The following FARP1 variants were observed in gnomAD, a reference collection of about 807,000 sequenced individuals.
The protein encoded by FARP1 is FERM, ARH/RhoGEF and pleckstrin domain protein 1.
Under a neutral mutation model 128.8 loss-of-function variants are expected in FARP1, and 52 were observed. That is an observed-to-expected ratio of 0.40 (90% CI 0.32 to 0.51). The LOEUF is 0.51. FARP1 is among the 20% of genes least tolerant of loss of function. FARP1 has a pLI of 0.45. For missense variants in FARP1, 1,333 were observed against 1,367.9 expected (o/e 0.97, Z 0.40); for synonymous variants, 580 against 551.8 (o/e 1.05, Z -0.72).
chr13:98,288,968 C>CTTT (rs5806054), intron 2 of FARP1, among the ~76,000 whole-genome samples: 2 of 134,864 alleles, frequency 1.5e-5, no homozygotes, highest in African/African-American at 2.7e-5. Flanking sequence ...GTTCCTATGG[C>CTTT]TTTTTTTTTT....
chr13:98,232,145 G>GTTTTTT lies in FARP1; in HGVS notation c.171+18748_171+18753dup, dbSNP rs59209045. ...GTGCCCGGCTTTTTTTGTTTGGTTG[G>GTTTTTT]TTTTTTTTTTTTTTTTTTTTTGCTT... is the stretch of plus-strand genomic sequence containing the variant. On this transcript the variant is annotated intron_variant, in intron 2 of 26. Transcript: ENST00000319562. 2.1e-3 allele frequency among the ~76,000 whole-genome samples: 218 copies of GTTTTTT among 105,728 alleles called. 3 individuals are homozygous for GTTTTTT. Among genetic ancestry groups the GTTTTTT allele is most frequent in the Middle Eastern group, 5.8e-3 (1 of 172 alleles). 69.4% of individuals were successfully genotyped at this position (105,728 alleles called of 152,430 possible). A position where few individuals can be genotyped will look rare whatever the true frequency, so the allele number is the denominator to read the frequency against.
intron 7 of FARP1, 70 bp downstream of exon 7, chr13:98,384,914 C>A: frequency 1.2e-6 from 1 of 861,462 alleles, no homozygotes; most frequent in South Asian, 1.4e-5. Context: ...CATGGGTGTA[C>A]ATCCCTCCAC....
chr13:98,390,901 A>G, intron 11 of FARP1, 21 bp downstream of exon 11: 1 of 1,559,088 alleles, frequency 6.4e-7, no homozygotes. Context: ...CTTCAATGCT[A>G]CTTCCAGTCT....
intron 16 of FARP1, among the ~76,000 whole-genome samples, chr13:98,412,339 T>C (rs1891224587): frequency 6.6e-6 from 1 of 152,026 alleles, no homozygotes; most frequent in Admixed American, 6.6e-5. Flanking sequence ...TTATAAAGAG[T>C]AGGGGCTTAG....
intron 13 of FARP1, chr13:98,402,212 T>G (rs561255038): frequency 1.3e-5 from 2 of 152,448 alleles, no homozygotes; most frequent in South Asian, 2.1e-4. Context: ...AATTGCAGAA[T>G]GTTGAGGAGT....
At chr13:98,233,383 G>A (rs1242468281) in intron 2 of FARP1, among the ~76,000 whole-genome samples, 2 of 151,944 alleles carry the variant, frequency 1.3e-5, no homozygotes, top group Non-Finnish European at 2.9e-5. Context: ...GAAGCCACAG[G>A]CTCCCCCACG....
chr13:98,303,865 A>G (rs1484078766), intron 2 of FARP1, among the ~76,000 whole-genome samples: 1 of 152,156 alleles, frequency 6.6e-6, no homozygotes, highest in Non-Finnish European at 1.5e-5. Context: ...AAATTCAAAG[A>G]CTGCACTGTA....
chr13:98,312,648 C>A (rs1422703703), intron 2 of FARP1, among the ~76,000 whole-genome samples: 1 of 152,126 alleles, frequency 6.6e-6, no homozygotes, highest in African/African-American at 2.4e-5. Flanking sequence ...CCAGCTGGGG[C>A]AGAGCTGTTT....
intron 2 of FARP1, among the ~76,000 whole-genome samples, chr13:98,228,556 G>A (rs1333922067): frequency 2.0e-5 from 3 of 152,106 alleles, no homozygotes; most frequent in Non-Finnish European, 4.4e-5. Flanking sequence ...GTTATCTATT[G>A]TTTGTATAGT....
intron 1 of FARP1, among the ~76,000 whole-genome samples, chr13:98,206,013 G>A (rs1880239137): frequency 6.6e-6 from 1 of 151,970 alleles, no homozygotes; most frequent in Non-Finnish European, 1.5e-5. Context: ...ATTTTCTTTG[G>A]ATGTTCATCT....
chr13:98,313,828 C>T (rs1306805153), intron 2 of FARP1, among the ~76,000 whole-genome samples: 9 of 152,198 alleles, frequency 5.9e-5, no homozygotes, highest in South Asian at 2.1e-4. Context: ...CATCTCGGCC[C>T]GCTCTTTGCT....
intron 13 of FARP1, chr13:98,397,176 G>A (rs1259515395): frequency 6.6e-6 from 1 of 152,164 alleles, no homozygotes; most frequent in East Asian, 1.9e-4. Flanking sequence ...TTTGGTTTAG[G>A]TTTGCATTGG....
intron 8 of FARP1, among the ~76,000 whole-genome samples, chr13:98,387,180 A>G (rs1275849116): frequency 6.6e-6 from 1 of 152,142 alleles, no homozygotes; most frequent in Non-Finnish European, 1.5e-5. Flanking sequence ...GTGTACCTGT[A>G]ATCCCAGCTA....
chr13:98,412,016 A>G lies in FARP1; in HGVS notation c.1808A>G (p.Glu603Gly). 6.2e-7 allele frequency: 1 copy of G among 1,614,126 alleles called. No individual in the cohort carries two copies. The highest frequency in any genetic ancestry group is 8.5e-7 in the Non-Finnish European group (1 of 1,179,946). ...CATACTAATTTTCTCAAGGAAATTG[A>G]GCAACGACTTGCCCTGTGGTGAGTA... ...KFHTNFLKEI[E>G]QRLALWEGRS... The change falls in exon 16 of 27, where the codon GAG becomes GGG. Residue 603 changes from glutamate (E) to glycine (G), a missense_variant. Glu to Gly is a moderately conservative substitution (Grantham distance 98). This residue lies in a region of FARP1 where 1,009 missense variants were observed against 969.8 expected (regional missense o/e 1.04). Transcript: ENST00000319562.
At chr13:98,267,492 C>T (rs200245390) in intron 2 of FARP1, among the ~76,000 whole-genome samples, 1 of 152,192 alleles carries the variant, frequency 6.6e-6, no homozygotes, top group Non-Finnish European at 1.5e-5. Flanking sequence ...TCCCACCCCC[C>T]CATATCCTTC....
chr13:98,422,868 TAGTC>T (rs1022059692), intron 16 of FARP1, among the ~76,000 whole-genome samples: 6 of 152,288 alleles, frequency 3.9e-5, no homozygotes, highest in African/African-American at 1.2e-4. Flanking sequence ...GGGTGTCTAT[TAGTC>T]AGGGTTCTCT....
rs1419756056 is a variant in FARP1 at position 98,450,946 on chromosome 13, C to A, written c.*2629C>A. ...CTAACTCCATCAAACCCCACCTCCC[C>A]CGACAGGAAATGCTGCCAGTCAACT... On this transcript the variant is annotated 3_prime_UTR_variant, in exon 27 of 27. Coordinates refer to ENST00000319562, the MANE Select transcript of FARP1 (RefSeq NM_005766.4). The A allele has an allele frequency of 6.6e-6, 1 of 152,246 alleles. No homozygotes were observed. Among genetic ancestry groups the A allele is most frequent in the South Asian group, 2.1e-4 (1 of 4,828 alleles). The allele number at this position is 152,246 out of a possible 1,614,324, so 9.4% of individuals were successfully genotyped here. A position where few individuals can be genotyped will look rare whatever the true frequency, so the allele number is the denominator to read the frequency against.
chr13:98,370,424 A>C (rs953097940), intron 5 of FARP1, among the ~76,000 whole-genome samples: 4 of 152,152 alleles, frequency 2.6e-5, no homozygotes, highest in Non-Finnish European at 5.9e-5. Flanking sequence ...TGGTGATGGC[A>C]AAGAAGCCAC....
intron 2 of FARP1, among the ~76,000 whole-genome samples, chr13:98,254,372 G>T (rs1168107538): frequency 6.6e-6 from 1 of 152,148 alleles, no homozygotes; most frequent in East Asian, 1.9e-4. Flanking sequence ...GTAAAGTGTG[G>T]ATGAGAATAG....
Sources: allele counts gnomAD v4.1 joint callset (sites outside exome capture counted in the v4.1 genomes callset), GRCh38; gene constraint gnomAD v4.1.1; regional missense constraint gnomAD v4.1.1; transcripts MANE v1.5; gene names NCBI Gene and HGNC (gene_info 2026-07-23, HGNC 2026-07-21).